Variants in EXD1 observed in about 807,000 individuals in gnomAD.
EXD1 encodes exonuclease 3'-5' domain containing 1, also known as piRNA biogenesis protein EXD1.
EXD1 carries 63 observed loss-of-function variants against 49.1 expected under a neutral mutation model. The ratio of observed to expected loss-of-function variants is 1.28; its 90% CI spans 1.05 to 1.58. The LOEUF is 1.58. Ranked by LOEUF, EXD1 falls within the 40% of genes most tolerant of loss-of-function variation. The pLI, the probability that EXD1 is intolerant of heterozygous loss-of-function variation, is 0.00. For synonymous variants in EXD1, 234 were observed against 239.2 expected, an observed-to-expected ratio of 0.98 and a Z score of 0.20; for missense variants, 748 against 666.0, an observed-to-expected ratio of 1.12 and a Z score of -1.36.
rs1290923931 is a variant in EXD1, at chr15:41,191,644, G to A, written c.721-59C>T. 8 of 1,467,468 alleles carry A rather than the reference G, an allele frequency of 5.5e-6. 1 individual carries two copies. The South Asian group carries it at 8.8e-5, about 16-fold the overall frequency. The allele number at this position is 1,467,468 out of a possible 1,614,324, so 90.9% of individuals were successfully genotyped here. A position where few individuals can be genotyped will look rare whatever the true frequency, so the allele number is the denominator to read the frequency against. Reference sequence around the variant, plus strand: ...GAATATATACAGAGAGCTATCTCATGCCAGAAATATATTTAGAGAAATGTC... The same window carrying A: ...GAATATATACAGAGAGCTATCTCATACCAGAAATATATTTAGAGAAATGTC... On this transcript the variant is annotated intron_variant, in intron 9 of 11. Transcript: ENST00000458580.
At chr15:41,212,765 G>A (rs1173084466) in intron 6 of EXD1, among the ~76,000 whole-genome samples, 1 of 152,172 alleles carries the variant, frequency 6.6e-6, no homozygotes, top group Non-Finnish European at 1.5e-5. Context: ...GTGGCTGACT[G>A]TGGTGGCTTA....
chr15:41,205,158 CT>C (rs1283347502), intron 7 of EXD1, among the ~76,000 whole-genome samples: 22 of 152,062 alleles, frequency 1.4e-4, no homozygotes, highest in Non-Finnish European at 5.9e-5. Flanking sequence ...CTTAATCTGC[CT>C]TTTTGTGAGT....
At chr15:41,219,935 A>G in intron 2 of EXD1, 37 bp from the exon 3 acceptor site, 1 of 1,497,704 alleles carries the variant, frequency 6.7e-7, no homozygotes, top group Non-Finnish European at 9.0e-7. Context: ...TAATTAAAAT[A>G]TTTTCCTAAA....
intron 7 of EXD1, among the ~76,000 whole-genome samples, chr15:41,204,078 T>C (rs1233233681): frequency 5.3e-5 from 8 of 150,414 alleles, no homozygotes; most frequent in Non-Finnish European, 1.0e-4. Context: ...CAACCCCATC[T>C]CTACTAAAAT....
At position 41,183,460 on chromosome 15, in the gene EXD1, T is replaced by TTA. The variant is rs1555412330; in HGVS notation, c.*470_*471insTA. 1 of 151,192 alleles carries TTA rather than the reference T, an allele frequency of 6.6e-6. No homozygotes were observed. Among genetic ancestry groups the TTA allele is most frequent in the African/African-American group, 2.4e-5 (1 of 41,026 alleles). 9.4% of individuals were successfully genotyped at this position (151,192 alleles called of 1,614,324 possible). On this transcript the variant is annotated 3_prime_UTR_variant, in exon 12 of 12. Coordinates refer to ENST00000458580, the MANE Select transcript of EXD1 (RefSeq NM_001286441.2). ...TGTAGCCCTGCTCCACAAGGAGCGG[T>TTA]AAAAAAAAATAAATAAAACAAATAA...
At chr15:41,201,009 G>T (rs2046720572) in intron 7 of EXD1, among the ~76,000 whole-genome samples, 1 of 151,840 alleles carries the variant, frequency 6.6e-6, no homozygotes, top group Non-Finnish European at 1.5e-5. Context: ...AAGTAGTTGG[G>T]GTTACAGGTA....
intron 7 of EXD1, among the ~76,000 whole-genome samples, chr15:41,197,225 TTTTC>T (rs2046628167): frequency 3.3e-5 from 5 of 151,358 alleles, no homozygotes; most frequent in Admixed American, 2.6e-4. Context: ...TGATTTTCTT[TTTTC>T]TTTTTTTTTT....
At chr15:41,192,224 C>G (rs1478935986) in intron 9 of EXD1, 1 of 152,554 alleles carries the variant, frequency 6.6e-6, no homozygotes, top group Admixed American at 6.6e-5. Context: ...ACTACAGCCT[C>G]CATAGTAACC....
In EXD1 at chr15:41,183,286, T is replaced by C. The variant is rs2046350550; in HGVS notation, c.*645A>G. 1 of 152,116 alleles carries C rather than the reference T, an allele frequency of 6.6e-6. No individual in the cohort carries two copies. Among genetic ancestry groups the C allele is most frequent in the Non-Finnish European group, 1.5e-5 (1 of 68,028 alleles). 9.4% of individuals were successfully genotyped at this position (152,116 alleles called of 1,614,324 possible). A position where few individuals can be genotyped will look rare whatever the true frequency, so the allele number is the denominator to read the frequency against. ...GCCTGGGTGACAGAGTGAGACTCCA[T>C]CAAAAAACAAATAAAACAAAAATTA... is the stretch of plus-strand genomic sequence containing the variant. On this transcript the variant is annotated 3_prime_UTR_variant, in exon 12 of 12. Transcript: ENST00000458580.
chr15:41,230,082 CTTT>C (rs1156382525), intron 1 of EXD1, among the ~76,000 whole-genome samples: 6 of 122,266 alleles, frequency 4.9e-5, no homozygotes, highest in Admixed American at 8.6e-5. Context: ...TGGCTTTTAC[CTTT>C]TTTTTTTTTT....
intron 11 of EXD1, among the ~76,000 whole-genome samples, chr15:41,187,048 C>T (rs1401245340): frequency 6.6e-6 from 1 of 152,000 alleles, no homozygotes; most frequent in Non-Finnish European, 1.5e-5. Flanking sequence ...CCATGCCCGG[C>T]TAATTTTGTA....
chr15:41,226,714 C>G lies in EXD1; in HGVS notation c.-53-86G>C, dbSNP rs1425936227. On this transcript the variant is annotated intron_variant, in intron 1 of 11. Coordinates refer to ENST00000458580, the MANE Select transcript of EXD1 (RefSeq NM_001286441.2). ...TCCCTTTCCCCATATCTGTAATGGA[C>G]AAGAATAAAATCTGAATAATTCAGT... 2.8e-6 allele frequency: 3 copies of G among 1,077,618 alleles called. No individual in the cohort carries two copies. In the East Asian group the frequency reaches 8.0e-5, roughly 29 times the overall value. The allele number at this position is 1,077,618 out of a possible 1,614,324, so 66.8% of individuals were successfully genotyped here.
chr15:41,208,941 A>G (rs545286701), intron 7 of EXD1, among the ~76,000 whole-genome samples: 44 of 152,160 alleles, frequency 2.9e-4, no homozygotes, highest in African/African-American at 9.4e-4. Context: ...AGCCCGAGAG[A>G]CAGCACTAAT....
At chr15:41,228,163 A>G (rs1420693261) in intron 1 of EXD1, among the ~76,000 whole-genome samples, 1 of 152,228 alleles carries the variant, frequency 6.6e-6, no homozygotes, top group East Asian at 1.9e-4. Context: ...CCTTGTATTT[A>G]GAAACTTAGA....
At chr15:41,204,916 A>G (rs1263259587) in intron 7 of EXD1, among the ~76,000 whole-genome samples, 2 of 152,144 alleles carry the variant, frequency 1.3e-5, no homozygotes, top group African/African-American at 2.4e-5. Flanking sequence ...CATACCAGGA[A>G]AGAAGAAATA....
intron 2 of EXD1, among the ~76,000 whole-genome samples, chr15:41,225,623 C>T (rs561741892): frequency 2.1e-4 from 32 of 150,164 alleles, no homozygotes; most frequent in African/African-American, 6.9e-4. Context: ...TGGCTCATGC[C>T]TATAATCCCA....
At chr15:41,187,336 C>A (rs2046427895) in intron 11 of EXD1, among the ~76,000 whole-genome samples, 1 of 151,992 alleles carries the variant, frequency 6.6e-6, no homozygotes, top group Non-Finnish European at 1.5e-5. Flanking sequence ...GTGAACCACC[C>A]ACCTTGGCCT....
intron 6 of EXD1, among the ~76,000 whole-genome samples, chr15:41,215,347 A>C (rs1245223406): frequency 6.6e-6 from 1 of 152,174 alleles, no homozygotes; most frequent in Non-Finnish European, 1.5e-5. Context: ...GCAGCCACCA[A>C]ATATGTTGTT....
intron 11 of EXD1, 79 bp from the exon 12 acceptor site, chr15:41,184,672 T>TTTG: frequency 2.2e-6 from 3 of 1,373,906 alleles, no homozygotes; most frequent in South Asian, 1.5e-5. Context: ...TTTTTTTTTT[T>TTTG]GAGATGGAGT....
Sources: gnomAD v4.1 joint callset for allele counts (sites outside exome capture counted in the v4.1 genomes callset) on GRCh38, gnomAD v4.1.1 for gene constraint, MANE v1.5 for transcripts, NCBI Gene and HGNC (gene_info 2026-07-23, HGNC 2026-07-21) for gene names.